The following SAMD3 variants were observed in gnomAD, a reference collection of about 807,000 sequenced individuals.
SAMD3 encodes sterile alpha motif domain containing 3.
A neutral mutation model predicts 58.5 loss-of-function variants in SAMD3; 63 were observed. The observed-to-expected ratio is 1.08, with a 90% CI of 0.88 to 1.33. The LOEUF is 1.33. Ranked by LOEUF, SAMD3 falls within the 40% of genes most tolerant of loss-of-function variation. The pLI is 0.00. For synonymous variants in SAMD3, 220 were observed against 210.3 expected (o/e 1.05, Z -0.40); for missense variants, 604 against 608.4 (o/e 0.99, Z 0.08).
At chr6:130,330,682 A>G (rs947003367) in intron 1 of SAMD3, among the ~76,000 whole-genome samples, 4 of 152,220 alleles carry the variant, frequency 2.6e-5, no homozygotes, top group African/African-American at 9.6e-5. Flanking sequence ...TGTAGCAACC[A>G]GTGGGGATAC....
At chr6:130,168,028 G>C (rs9492468) in intron 8 of SAMD3, among the ~76,000 whole-genome samples, 112 of 152,194 alleles carry the variant, frequency 7.4e-4, no homozygotes, top group African/African-American at 2.6e-3. Flanking sequence ...AAATGGCAAA[G>C]AGAATGCAGT....
At position 130,324,196 on chromosome 6, in the gene SAMD3, CA is replaced by C. The variant is rs143514061; in HGVS notation, c.-303-11104del. The stretch of plus-strand genomic sequence containing the variant: ...TAGTTTGGAAAGATTAGTTTAATCT[CA>C]AAATACTGATCTAGGATAGCAGGCT... On this transcript the variant is annotated intron_variant, in intron 1 of 13. Transcript: ENST00000368134. Among the ~76,000 whole-genome samples, 34 of 152,242 alleles carry C rather than the reference CA, an allele frequency of 2.2e-4. No homozygotes were observed. The East Asian group carries it at 6.4e-3, about 28-fold the overall frequency.
At chr6:130,265,477 C>T (rs1263243604) in intron 2 of SAMD3, among the ~76,000 whole-genome samples, 3 of 152,222 alleles carry the variant, frequency 2.0e-5, no homozygotes, top group African/African-American at 4.8e-5. Context: ...AGGACTTCAA[C>T]TGACCTTCCT....
chr6:130,143,219 A>C (rs749786705), downstream of SAMD3: 11 of 152,212 alleles, frequency 7.2e-5, no homozygotes, highest in Non-Finnish European at 1.6e-4. Flanking sequence ...TATTTCTTCA[A>C]TAGTTTGCAT....
At chr6:130,267,158 A>G (rs1404361291) in intron 2 of SAMD3, among the ~76,000 whole-genome samples, 2 of 152,180 alleles carry the variant, frequency 1.3e-5, no homozygotes, top group Non-Finnish European at 2.9e-5. Context: ...CAAGTAGTTA[A>G]AGACATAGTT....
intron 4 of SAMD3, among the ~76,000 whole-genome samples, chr6:130,212,144 A>AT (rs1467387561): frequency 6.6e-6 from 1 of 151,946 alleles, no homozygotes; most frequent in African/African-American, 2.4e-5. Context: ...AGGGGGTTTA[A>AT]TTAAACAGCA....
At chr6:130,215,356 T>C in intron 2 of SAMD3, 62 bp from the exon 3 acceptor site, 1 of 1,331,114 alleles carries the variant, frequency 7.5e-7, no homozygotes, top group Non-Finnish European at 1.0e-6. Flanking sequence ...TTAATTTTTT[T>C]TTTAACAGTC....
At chr6:130,298,877 G>C (rs935275372) in intron 2 of SAMD3, among the ~76,000 whole-genome samples, 19 of 152,254 alleles carry the variant, frequency 1.2e-4, no homozygotes, top group Admixed American at 1.2e-3. Context: ...AGTAAGAAAA[G>C]AGACAGAAGG....
chr6:130,256,265 T>A (rs559552974), intron 2 of SAMD3, among the ~76,000 whole-genome samples: 5 of 152,026 alleles, frequency 3.3e-5, no homozygotes, highest in East Asian at 3.9e-4. Context: ...AGATATGAGA[T>A]CTTCATATCA....
intron 1 of SAMD3, among the ~76,000 whole-genome samples, chr6:130,331,376 A>AG (rs1338629004): frequency 1.3e-5 from 2 of 152,270 alleles, no homozygotes; most frequent in African/African-American, 4.8e-5. Flanking sequence ...TTACTTTAAA[A>AG]AAAAATCTGA....
chr6:130,345,003 A>G (rs1777401408), intron 1 of SAMD3, among the ~76,000 whole-genome samples: 1 of 152,000 alleles, frequency 6.6e-6, no homozygotes, highest in Admixed American at 6.6e-5. Context: ...TGGAGGAAAA[A>G]GGGATGCTTT....
At chr6:130,280,304 AT>A (rs1169439922) in intron 2 of SAMD3, among the ~76,000 whole-genome samples, 1 of 152,122 alleles carries the variant, frequency 6.6e-6, no homozygotes, top group African/African-American at 2.4e-5. Flanking sequence ...ACATTTAATT[AT>A]TTTTTTGCCC....
At chr6:130,239,003 C>T (rs1773261679) in intron 2 of SAMD3, among the ~76,000 whole-genome samples, 1 of 152,154 alleles carries the variant, frequency 6.6e-6, no homozygotes, top group African/African-American at 2.4e-5. Context: ...AAGTCATCCG[C>T]CTGCTTCGGC....
chr6:130,338,339 T>C (rs772124159), intron 1 of SAMD3, among the ~76,000 whole-genome samples: 31 of 152,246 alleles, frequency 2.0e-4, no homozygotes, highest in Non-Finnish European at 3.5e-4. Flanking sequence ...GGCAGAAGTC[T>C]GCTGCAAGGG....
At chr6:130,350,563 A>G (rs1163456071) in intron 1 of SAMD3, among the ~76,000 whole-genome samples, 1 of 152,214 alleles carries the variant, frequency 6.6e-6, no homozygotes, top group Non-Finnish European at 1.5e-5. Context: ...CTGCTCGATG[A>G]AATAAAAGAG....
At chr6:130,337,606 G>A (rs1777141324) in intron 1 of SAMD3, among the ~76,000 whole-genome samples, 1 of 152,194 alleles carries the variant, frequency 6.6e-6, no homozygotes, top group Non-Finnish European at 1.5e-5. Flanking sequence ...ATGTGGGGAA[G>A]TTTGGAACTT....
chr6:130,198,705 C>T (rs780083050), intron 5 of SAMD3, among the ~76,000 whole-genome samples: 1 of 152,146 alleles, frequency 6.6e-6, no homozygotes. Flanking sequence ...AGAGGCAGAT[C>T]TAGAGACTGA....
At chr6:130,249,201 A>G (rs540622059) in intron 2 of SAMD3, among the ~76,000 whole-genome samples, 1 of 152,304 alleles carries the variant, frequency 6.6e-6, no homozygotes, top group African/African-American at 2.4e-5. Context: ...CATGAACTGG[A>G]CACAATGTCC....
intron 1 of SAMD3, among the ~76,000 whole-genome samples, chr6:130,314,499 A>C (rs2024973): frequency 0.43 from 64,777 of 152,064 alleles, 15,420 homozygotes; most frequent in African/African-American, 0.64. Flanking sequence ...TTTCTCTTTA[A>C]TTTACTCTTA....
Sources: gnomAD v4.1 joint callset for allele counts (sites outside exome capture counted in the v4.1 genomes callset) on GRCh38, gnomAD v4.1.1 for gene constraint, MANE v1.5 for transcripts, NCBI Gene and HGNC (gene_info 2026-07-23, HGNC 2026-07-21) for gene names.